GOSR2: variants seen among roughly 807,000 people sequenced by gnomAD.
GOSR2 encodes the protein 27 kDa Golgi SNARE protein.
Under a neutral mutation model 27.9 loss-of-function variants are expected in GOSR2, and 20 were observed. That is an observed-to-expected ratio of 0.72 (90% confidence interval 0.50 to 1.04). The LOEUF is 1.04. GOSR2 is among the 50% of genes least tolerant of loss of function. GOSR2 has a pLI of 0.00. For synonymous variants in GOSR2, 91 were observed against 98.8 expected (o/e 0.92, Z 0.47); for missense variants, 261 against 270.5 (o/e 0.97, Z 0.25).
intron 4 of GOSR2, chr17:46,932,783 C>T (rs2087604992): frequency 5.9e-6 from 1 of 168,148 alleles, no homozygotes; most frequent in Admixed American, 5.5e-5. Flanking sequence ...TAGTCTTAAC[C>T]AGATCATTTC....
intron 5 of GOSR2, chr17:46,935,409 C>CT (rs2088149903): frequency 7.0e-7 from 1 of 1,429,088 alleles, no homozygotes; most frequent in African/African-American, 1.4e-5. Flanking sequence ...GGATCCAGGT[C>CT]TTTTCCCATT....
intron 6 of GOSR2, among the ~76,000 whole-genome samples, chr17:46,974,848 A>G (rs2091431301): frequency 6.6e-6 from 1 of 152,132 alleles, no homozygotes; most frequent in Non-Finnish European, 1.5e-5. Context: ...TCATCTGTAC[A>G]ATGGGAGGAG....
intron 5 of GOSR2, chr17:46,935,699 G>A: frequency 1.0e-6 from 1 of 989,142 alleles, no homozygotes; most frequent in South Asian, 4.6e-5. Context: ...AGCCCGTGCT[G>A]GTGATCCCAG....
At chr17:46,972,158 G>A (rs569740717) in intron 6 of GOSR2, among the ~76,000 whole-genome samples, 53 of 152,314 alleles carry the variant, frequency 3.5e-4, no homozygotes, top group Admixed American at 8.5e-4. Context: ...CCCAGGCTGT[G>A]TGCTGACAGA....
At chr17:46,949,431 C>T (rs1457019726) in intron 6 of GOSR2, 1 of 152,140 alleles carries the variant, frequency 6.6e-6, no homozygotes, top group Non-Finnish European at 1.5e-5. Context: ...TCTGTTCTGC[C>T]ATACTCCTTT....
chr17:46,927,785 A>T (rs1015087988), intron 1 of GOSR2, among the ~76,000 whole-genome samples: 1 of 152,118 alleles, frequency 6.6e-6, no homozygotes, highest in Non-Finnish European at 1.5e-5. Flanking sequence ...TCATAATGGC[A>T]GGTGGGACAA....
At chr17:46,924,057 A>C (rs1163563470) in intron 1 of GOSR2, among the ~76,000 whole-genome samples, 1 of 152,240 alleles carries the variant, frequency 6.6e-6, no homozygotes, top group Non-Finnish European at 1.5e-5. Flanking sequence ...TTCACAACTT[A>C]CATCACTACG....
chr17:46,952,382 T>G (rs2090426178), intron 6 of GOSR2, among the ~76,000 whole-genome samples: 1 of 152,072 alleles, frequency 6.6e-6, no homozygotes, highest in African/African-American at 2.4e-5. Flanking sequence ...GGAATTCCCA[T>G]AGACACTGCT....
chr17:46,973,815 G>A lies in GOSR2; in HGVS notation c.616-1384G>A, dbSNP rs182062139. On this transcript the variant is annotated intron_variant, in intron 6 of 6. Coordinates refer to the GOSR2 transcript ENST00000640723. Reference sequence around the variant, plus strand: ...TTTTATTAAATGTGTGTGCATGCGTGCGACACATGTGTACACGTATACCTT... The same window carrying A: ...TTTTATTAAATGTGTGTGCATGCGTACGACACATGTGTACACGTATACCTT... Among the ~76,000 whole-genome samples the A allele has an allele frequency of 2.4e-3, 343 of 145,588 alleles. 1 individual carries two copies. Among genetic ancestry groups the A allele is most frequent in the Non-Finnish European group, 3.9e-3 (254 of 64,322 alleles).
intron 4 of GOSR2, 160 bp downstream of exon 4, chr17:46,932,359 T>C: frequency 2.7e-6 from 2 of 744,200 alleles, no homozygotes. Context: ...CCACAGAGAC[T>C]AGACCTAGAC....
At chr17:46,962,922 G>T (rs2091146662) in intron 6 of GOSR2, among the ~76,000 whole-genome samples, 1 of 152,198 alleles carries the variant, frequency 6.6e-6, no homozygotes, top group Admixed American at 6.5e-5. Context: ...TTTCATCAAT[G>T]ATGTGATTTA....
intron 5 of GOSR2, chr17:46,935,392 T>C (rs2088145928): frequency 7.0e-7 from 1 of 1,436,134 alleles, no homozygotes; most frequent in South Asian, 1.5e-5. Context: ...TGAAGTGGCC[T>C]CTCTTAGGAT....
chr17:46,938,182 T>C (rs1359007480), intron 5 of GOSR2, among the ~76,000 whole-genome samples: 1 of 152,100 alleles, frequency 6.6e-6, no homozygotes, highest in Non-Finnish European at 1.5e-5. Flanking sequence ...TTTTTAGATA[T>C]TCTCCTGTGT....
intron 6 of GOSR2, among the ~76,000 whole-genome samples, chr17:46,956,772 G>A (rs1392826230): frequency 6.6e-6 from 1 of 152,170 alleles, no homozygotes; most frequent in East Asian, 1.9e-4. Context: ...GCTGGCTGGA[G>A]AGGATACCAC....
chr17:46,935,415 C>T, intron 5 of GOSR2: 1 of 1,426,500 alleles, frequency 7.0e-7, no homozygotes, highest in Non-Finnish European at 9.1e-7. Context: ...AGGTCTTTTC[C>T]CATTTACTGA....
At chr17:46,931,478 T>C (rs1202802801) in intron 3 of GOSR2, 4 of 508,832 alleles carry the variant, frequency 7.9e-6, no homozygotes, top group African/African-American at 7.7e-5. Context: ...GTTTTTTGAC[T>C]AGATCCATAG....
intron 6 of GOSR2, among the ~76,000 whole-genome samples, chr17:46,963,388 T>A (rs2091172348): frequency 6.6e-6 from 1 of 151,826 alleles, no homozygotes; most frequent in Non-Finnish European, 1.5e-5. Context: ...CTACTAAAAA[T>A]AAAAAAATTA....
intron 6 of GOSR2, among the ~76,000 whole-genome samples, chr17:46,950,503 A>G (rs1022666057): frequency 6.6e-6 from 1 of 152,224 alleles, no homozygotes; most frequent in African/African-American, 2.4e-5. Flanking sequence ...GAAAGGCCCA[A>G]TTAAAATAGC....
chr17:46,951,231 G>A (rs1227630636), intron 6 of GOSR2, among the ~76,000 whole-genome samples: 1 of 152,170 alleles, frequency 6.6e-6, no homozygotes, highest in Admixed American at 6.5e-5. Context: ...GGCTTGGCTG[G>A]AACGGCGGGT....
Sources: gnomAD v4.1 joint callset for allele counts (sites outside exome capture counted in the v4.1 genomes callset) on GRCh38, gnomAD v4.1.1 for gene constraint, MANE v1.5 for transcripts, NCBI Gene and HGNC (gene_info 2026-07-23, HGNC 2026-07-21) for gene names.